Variants in SNX8 observed in about 807,000 individuals in gnomAD.
SNX8 encodes the protein sorting nexin-8.
SNX8 carries 25 observed loss-of-function variants against 51.6 expected under a neutral mutation model. The observed-to-expected ratio is 0.48, with a 90% confidence interval of 0.35 to 0.68. The LOEUF (loss-of-function observed/expected upper bound fraction) is 0.68. SNX8 is among the 30% of genes least tolerant of loss of function. The probability of loss-of-function intolerance (pLI) is 0.00; values close to 1 mark genes in which losing one functional copy is unlikely to be tolerated. For missense variants in SNX8, 695 were observed against 624.0 expected (o/e 1.11, Z -1.21); for synonymous variants, 324 against 277.0 (o/e 1.17, Z -1.68).
chr7:2,252,708 C>G lies in SNX8; in HGVS notation c.*2348G>C. On this transcript the variant is annotated 3_prime_UTR_variant, in exon 11 of 11. Transcript: ENST00000222990. ...CCTCCTGCCTTCCCACCCCTGCCCT[C>G]TTGCTCTCCTCACCCCTGCCCTCTT... The G allele has an allele frequency of 7.5e-6, 1 of 132,944 alleles. No homozygotes were observed. The highest frequency in any genetic ancestry group is 2.7e-4 in the South Asian group (1 of 3,738). 8.2% of individuals were successfully genotyped at this position (132,944 alleles called of 1,614,324 possible). A position where few individuals can be genotyped will look rare whatever the true frequency, so the allele number is the denominator to read the frequency against.
intron 1 of SNX8, among the ~76,000 whole-genome samples, chr7:2,353,930 C>A (rs1299795072): frequency 6.6e-6 from 1 of 152,144 alleles, no homozygotes; most frequent in African/African-American, 2.4e-5. Flanking sequence ...TAAGACATCC[C>A]CCAACCAGTG....
At chr7:2,295,389 G>T (rs1461999227) in intron 1 of SNX8, among the ~76,000 whole-genome samples, 1 of 144,082 alleles carries the variant, frequency 6.9e-6, no homozygotes, top group African/African-American at 2.5e-5. Flanking sequence ...GGTAACAGAG[G>T]GATACTCCAT....
rs1415420423 is a variant in SNX8, at chr7:2,275,242, G to C, written c.301-13C>G. ...AGGACTTGAAGCGCTGCAAGAGAAGGGTCGGTGCTTAGATCCGACGTTGGA... is the reference window on the plus strand; with the variant it reads ...AGGACTTGAAGCGCTGCAAGAGAAGCGTCGGTGCTTAGATCCGACGTTGGA... On this transcript the variant is annotated splice_polypyrimidine_tract_variant and intron_variant, in intron 2 of 10. Transcript: ENST00000222990. 3.2e-6 allele frequency: 5 copies of C among 1,578,630 alleles called. No individual in the cohort carries two copies. The highest frequency in any genetic ancestry group is 1.3e-5 in the African/African-American group (1 of 74,242).
At chr7:2,321,488 G>A (rs1430324316) in intron 1 of SNX8, among the ~76,000 whole-genome samples, 5 of 148,662 alleles carry the variant, frequency 3.4e-5, no homozygotes, top group African/African-American at 1.0e-4. Flanking sequence ...GTGCAGTGGC[G>A]TGATCTCAGC....
chr7:2,322,869 A>T (rs12670268), intron 1 of SNX8, among the ~76,000 whole-genome samples: 44,473 of 150,316 alleles, frequency 0.3, 6,750 homozygotes, highest in Middle Eastern at 0.48. Context: ...ATAAAAAAAA[A>T]ATCCGGGCGT....
rs201608721 is a variant in SNX8, at chr7:2,275,216, G to A, written c.314C>T (p.Ser105Leu). Residue 105 changes from serine to leucine, a missense_variant, in exon 3 of 11, where the codon TCG becomes TTG. By Grantham distance (145) the Ser-to-Leu change is moderately radical (BLOSUM62 -2). Transcript: ENST00000222990. ...GAAGTCATTGTACCGTCTGTATACC[G>A]AGGACTTGAAGCGCTGCAAGAGAAG... is the stretch of plus-strand genomic sequence containing the variant. ...YEVSSQRFKS[S>L]VYRRYNDFVV... 4.5e-5 allele frequency: 72 copies of A among 1,613,124 alleles called. No individual in the cohort carries two copies. Among genetic ancestry groups the A allele is most frequent in the Middle Eastern group, 1.6e-4 (1 of 6,062 alleles).
chr7:2,270,188 G>T (rs1051582692), intron 4 of SNX8, among the ~76,000 whole-genome samples: 1 of 152,010 alleles, frequency 6.6e-6, no homozygotes, highest in African/African-American at 2.4e-5. Context: ...GGGCAAAGCC[G>T]TGCCTTAAAG....
At chr7:2,340,112 G>C (rs1255994536) in intron 1 of SNX8, among the ~76,000 whole-genome samples, 4 of 151,480 alleles carry the variant, frequency 2.6e-5, no homozygotes, top group Admixed American at 1.3e-4. Context: ...TGTCAGGCTG[G>C]AGTGCAATGG....
intron 1 of SNX8, among the ~76,000 whole-genome samples, chr7:2,349,957 C>T (rs1330201976): frequency 6.6e-6 from 1 of 152,102 alleles, no homozygotes; most frequent in Non-Finnish European, 1.5e-5. Flanking sequence ...CATGAGGCTC[C>T]CAGGCTACAC....
At chr7:2,286,849 T>A (rs1796040744) in intron 1 of SNX8, among the ~76,000 whole-genome samples, 1 of 152,016 alleles carries the variant, frequency 6.6e-6, no homozygotes, top group South Asian at 2.1e-4. Context: ...TTTTAAAAAA[T>A]TAATTTTTTG....
intron 10 of SNX8, 39 bp from the exon 11 acceptor site, chr7:2,255,208 G>A: frequency 7.5e-7 from 1 of 1,326,226 alleles, no homozygotes; most frequent in Non-Finnish European, 1.0e-6. Flanking sequence ...AGCAGGCGGG[G>A]CCGGGGCTCC....
intron 1 of SNX8, among the ~76,000 whole-genome samples, chr7:2,303,300 C>A (rs1411507823): frequency 3.3e-5 from 5 of 150,544 alleles, no homozygotes; most frequent in Admixed American, 2.0e-4. Flanking sequence ...CAGCCCCCCG[C>A]CCGGCCAGCC....
chr7:2,257,436 G>T lies in SNX8; in HGVS notation c.1063C>A (p.Gln355Lys), dbSNP rs1795216031. 1 of 1,610,578 alleles carries T rather than the reference G, an allele frequency of 6.2e-7. No homozygotes were observed. The highest frequency in any genetic ancestry group is 8.5e-7 in the Non-Finnish European group (1 of 1,179,302). Residue 355 changes from glutamine (Q) to lysine (K), a missense_variant, in exon 9 of 11, where the codon CAG becomes AAG. By Grantham distance (53) the Gln-to-Lys change is moderately conservative (BLOSUM62 1). Coordinates refer to ENST00000222990, the MANE Select transcript of SNX8 (RefSeq NM_013321.4). ...TTCTGCGCGGTGGCGCTCATCATCT[G>T]CCTCTTCATCAGGCTGTACTTGTGC... ...ALHKYSLMKRQMMSATAQNRE... is the reference protein window; with the variant it reads ...ALHKYSLMKRKMMSATAQNRE...
intron 1 of SNX8, among the ~76,000 whole-genome samples, chr7:2,287,654 G>A (rs1796061836): frequency 6.6e-6 from 1 of 152,102 alleles, no homozygotes; most frequent in African/African-American, 2.4e-5. Flanking sequence ...GGGAGACTGA[G>A]GCAGGAGAAT....
At chr7:2,275,486 G>C (rs1360950619) in intron 2 of SNX8, among the ~76,000 whole-genome samples, 2 of 151,392 alleles carry the variant, frequency 1.3e-5, no homozygotes, top group Non-Finnish European at 2.9e-5. Flanking sequence ...AATCACCTGA[G>C]GTCAGGAGTT....
chr7:2,324,968 G>A (rs559917397), intron 1 of SNX8, among the ~76,000 whole-genome samples: 1 of 147,926 alleles, frequency 6.8e-6, no homozygotes, highest in African/African-American at 2.7e-5. Flanking sequence ...ATGTAGCCAG[G>A]CATGGTGGCA....
intron 1 of SNX8, among the ~76,000 whole-genome samples, chr7:2,321,747 A>C (rs1226162814): frequency 2.6e-5 from 2 of 77,500 alleles, no homozygotes. Flanking sequence ...ACAGAGTCTC[A>C]CGCTTGTCAC....
chr7:2,326,523 G>A (rs566278327), intron 1 of SNX8, among the ~76,000 whole-genome samples: 10 of 151,480 alleles, frequency 6.6e-5, no homozygotes, highest in East Asian at 5.8e-4. Context: ...AAAATTAGCC[G>A]GGCGTGGTGG....
intron 1 of SNX8, chr7:2,309,993 C>A (rs1179945267): frequency 4.9e-6 from 2 of 407,738 alleles, no homozygotes; most frequent in Non-Finnish European, 1.0e-5. Context: ...CACGGAGCTT[C>A]CGAACCGAAT....
Sources: allele counts gnomAD v4.1 joint callset (sites outside exome capture counted in the v4.1 genomes callset), GRCh38; gene constraint gnomAD v4.1.1; transcripts MANE v1.5; gene names NCBI Gene and HGNC (gene_info 2026-07-23, HGNC 2026-07-21).